Variants in SLC4A7 observed in about 807,000 individuals in gnomAD.
SLC4A7 encodes the protein solute carrier family 4 member 7.
A neutral mutation model predicts 137.6 loss-of-function variants in SLC4A7; 51 were observed. The ratio of observed to expected loss-of-function variants is 0.37; its 90% CI spans 0.30 to 0.47. SLC4A7 has a LOEUF of 0.47. SLC4A7 is among the 20% of genes least tolerant of loss of function. The pLI is 1.00. For synonymous variants in SLC4A7, 542 were observed against 518.6 expected, an observed-to-expected ratio of 1.05 and a Z score of -0.61; for missense variants, 1,247 against 1,525.4, an observed-to-expected ratio of 0.82 and a Z score of 3.04.
At chr3:27,482,454 C>G (rs1034939194) in intron 1 of SLC4A7, among the ~76,000 whole-genome samples, 1 of 152,136 alleles carries the variant, frequency 6.6e-6, no homozygotes, top group African/African-American at 2.4e-5. Flanking sequence ...TACTATAAAA[C>G]AGTTTATTCA....
intron 7 of SLC4A7, among the ~76,000 whole-genome samples, chr3:27,430,395 G>A (rs972913889): frequency 4.0e-5 from 6 of 151,736 alleles, no homozygotes; most frequent in African/African-American, 1.5e-4. Context: ...GGCCAAGGTG[G>A]GTGGATCACT....
At chr3:27,449,465 C>T (rs185507615) in intron 2 of SLC4A7, among the ~76,000 whole-genome samples, 65 of 144,628 alleles carry the variant, frequency 4.5e-4, no homozygotes, top group African/African-American at 1.6e-3. Flanking sequence ...CAATAAAGAC[C>T]AAAATAAAAA....
intron 22 of SLC4A7, among the ~76,000 whole-genome samples, chr3:27,388,197 A>C (rs2051168195): frequency 6.6e-6 from 1 of 152,204 alleles, no homozygotes; most frequent in Non-Finnish European, 1.5e-5. Flanking sequence ...TTGAAGCCAA[A>C]GTATCATTGT....
At chr3:27,470,352 C>T (rs1398557035) in intron 1 of SLC4A7, among the ~76,000 whole-genome samples, 1 of 151,616 alleles carries the variant, frequency 6.6e-6, no homozygotes, top group Non-Finnish European at 1.5e-5. Flanking sequence ...ATACATGGAA[C>T]AAGTAAGCTA....
intron 6 of SLC4A7, 60 bp from the exon 7 acceptor site, chr3:27,431,729 A>G: frequency 6.8e-7 from 1 of 1,460,214 alleles, no homozygotes; most frequent in South Asian, 1.5e-5. Flanking sequence ...AAATAGAGAC[A>G]TTTAAAAAAA....
chr3:27,393,057 G>A (rs2051749611), intron 20 of SLC4A7, among the ~76,000 whole-genome samples: 1 of 152,182 alleles, frequency 6.6e-6, no homozygotes, highest in East Asian at 1.9e-4. Flanking sequence ...TTTAGCTGGA[G>A]TTGAAGAAAT....
Position 27,409,438 on chromosome 3 carries a change from G to A in SLC4A7, c.1859C>T (p.Ser620Leu), listed in dbSNP as rs777630012. The change falls in exon 13 of 26, where the codon TCG (serine) becomes TTG (leucine). Residue 620 changes from serine (S) to leucine (L), a missense_variant. By Grantham distance (145) the Ser-to-Leu change is moderately radical. Around this residue, in one of 6 missense-constraint regions of SLC4A7, gnomAD observed 499 missense variants for 664.2 expected, o/e 0.75. Transcript: ENST00000454389. Reference protein sequence around the residue: ...KDALSLQCLASILFLYCACMS... With the variant: ...KDALSLQCLALILFLYCACMS... ...ACAGGCACAGTATAGGAAAAGAATC[G>A]AGGCCAGGCACTGCAGGCTTAATGC... 1.7e-5 allele frequency: 27 copies of A among 1,613,708 alleles called. No homozygotes were observed. Among genetic ancestry groups the A allele is most frequent in the Non-Finnish European group, 2.0e-5 (24 of 1,179,836 alleles).
chr3:27,454,134 AC>A (rs1380410819), intron 1 of SLC4A7, among the ~76,000 whole-genome samples: 1 of 152,062 alleles, frequency 6.6e-6, no homozygotes, highest in Admixed American at 6.6e-5. Flanking sequence ...ACATAGCAAG[AC>A]CCCCATCTCC....
chr3:27,416,681 ATG>A (rs2054417218), intron 11 of SLC4A7, among the ~76,000 whole-genome samples: 4 of 152,218 alleles, frequency 2.6e-5, no homozygotes. Context: ...TCAACTGTGT[ATG>A]TATATATGCA....
intron 10 of SLC4A7, among the ~76,000 whole-genome samples, chr3:27,419,170 T>A (rs369865619): frequency 5.9e-5 from 9 of 152,030 alleles, no homozygotes; most frequent in Admixed American, 2.0e-4. Context: ...CGTTATTAAA[T>A]AAATAAATAA....
At chr3:27,445,049 G>A (rs2057481275) in intron 3 of SLC4A7, among the ~76,000 whole-genome samples, 1 of 152,120 alleles carries the variant, frequency 6.6e-6, no homozygotes, top group Admixed American at 6.6e-5. Flanking sequence ...AGCCTTCTGA[G>A]AACTCTATCC....
intron 24 of SLC4A7, among the ~76,000 whole-genome samples, chr3:27,382,855 T>C (rs761388470): frequency 6.2e-4 from 94 of 152,292 alleles, no homozygotes; most frequent in Non-Finnish European, 1.2e-3. Flanking sequence ...CTCAGACTCA[T>C]GTACTGATTT....
At position 27,373,323 on chromosome 3, in the gene SLC4A7, T is replaced by C. The variant is rs1006455051; in HGVS notation, c.*3441A>G. ...GAAAAGAAACCAATTTATATGAAGA[T>C]TGCCAAATTTTGCAATTTGAACACT... is the stretch of plus-strand genomic sequence containing the variant. On this transcript the variant is annotated 3_prime_UTR_variant, in exon 26 of 26. Transcript: ENST00000454389. The C allele has an allele frequency of 5.9e-5, 9 of 152,176 alleles. No homozygotes were observed. The highest frequency in any genetic ancestry group is 2.6e-4 in the Admixed American group (4 of 15,284). 9.4% of individuals were successfully genotyped at this position (152,176 alleles called of 1,614,324 possible).
intron 4 of SLC4A7, 42 bp downstream of exon 4, chr3:27,437,346 C>T (rs1379104037): frequency 1.3e-5 from 18 of 1,393,552 alleles, no homozygotes; most frequent in Non-Finnish European, 1.5e-5. Flanking sequence ...AGCAAAACTC[C>T]ATCTCAAAAA....
chr3:27,463,862 T>C (rs1305277046), intron 1 of SLC4A7, among the ~76,000 whole-genome samples: 1 of 152,204 alleles, frequency 6.6e-6, no homozygotes, highest in Admixed American at 6.5e-5. Context: ...TCATAACCCC[T>C]TACCTTTCAA....
intron 11 of SLC4A7, 41 bp downstream of exon 11, chr3:27,418,445 A>G (rs1373191248): frequency 2.0e-6 from 3 of 1,537,626 alleles, no homozygotes; most frequent in Non-Finnish European, 2.6e-6. Flanking sequence ...AAATTTTATT[A>G]AAATAAAGTA....
intron 7 of SLC4A7, among the ~76,000 whole-genome samples, chr3:27,431,039 G>T (rs1277410802): frequency 2.6e-5 from 4 of 151,866 alleles, no homozygotes; most frequent in Non-Finnish European, 5.9e-5. Flanking sequence ...TTATTAGGTT[G>T]GTGTAAAAGC....
At chr3:27,456,402 T>C (rs2058410640) in intron 1 of SLC4A7, among the ~76,000 whole-genome samples, 1 of 152,200 alleles carries the variant, frequency 6.6e-6, no homozygotes. Context: ...CAAATAATTT[T>C]TAAAGACTCG....
intron 13 of SLC4A7, among the ~76,000 whole-genome samples, chr3:27,407,979 T>A (rs1347522723): frequency 6.6e-6 from 1 of 152,198 alleles, no homozygotes; most frequent in Non-Finnish European, 1.5e-5. Context: ...ATAAAGCACC[T>A]GATAACTAAT....
Sources: allele counts gnomAD v4.1 joint callset (sites outside exome capture counted in the v4.1 genomes callset), GRCh38; gene constraint gnomAD v4.1.1; regional missense constraint gnomAD v4.1.1; transcripts MANE v1.5; gene names NCBI Gene and HGNC (gene_info 2026-07-23, HGNC 2026-07-21).